Variants in CCDC3 observed in about 807,000 individuals in gnomAD.
The protein encoded by CCDC3 is coiled-coil domain-containing protein 3.
A neutral mutation model predicts 21.4 loss-of-function variants in CCDC3; 24 were observed. The observed-to-expected ratio is 1.12, with a 90% confidence interval of 0.81 to 1.58. The LOEUF is 1.58. Among genes scored for constraint, CCDC3 ranks in the 40% most tolerant of loss-of-function variants. CCDC3 has a pLI of 0.00. For missense variants in CCDC3, 425 were observed against 360.9 expected (o/e 1.18, Z -1.44); for synonymous variants, 186 against 166.0 (o/e 1.12, Z -0.93).
At chr10:13,009,878 T>C (rs549836426) in intron 5 of CCDC3, among the ~76,000 whole-genome samples, 3 of 152,258 alleles carry the variant, frequency 2.0e-5, no homozygotes, top group South Asian at 2.1e-4. Context: ...TATCAAGCCA[T>C]AGACTGGATG....
intron 3 of CCDC3, among the ~76,000 whole-genome samples, chr10:13,088,138 A>G (rs1236693505): frequency 6.6e-6 from 1 of 152,202 alleles, no homozygotes; most frequent in African/African-American, 2.4e-5. Flanking sequence ...GCCCCAGTCA[A>G]ATCCTAGCAA....
At chr10:13,000,939 T>C (rs911301692) in intron 1 of CCDC3, among the ~76,000 whole-genome samples, 5 of 152,220 alleles carry the variant, frequency 3.3e-5, no homozygotes, top group Non-Finnish European at 7.3e-5. Flanking sequence ...AGCTTCTGTC[T>C]GCAATGCTCT....
At chr10:13,060,929 G>A (rs191642183) in intron 4 of CCDC3, among the ~76,000 whole-genome samples, 1 of 152,146 alleles carries the variant, frequency 6.6e-6, no homozygotes, top group Admixed American at 6.5e-5. Context: ...GATTTTAATG[G>A]AGTGAAAAAT....
In CCDC3 at chr10:12,920,998, C is replaced by T. The variant is rs1362821754; in HGVS notation, c.550-22319G>A. Reference sequence around the variant, plus strand: ...CTTGGCTTCCCCTAACCCTCGGCAGCATATGAGAACATTCTCTTTGCAGAA... The same window carrying T: ...CTTGGCTTCCCCTAACCCTCGGCAGTATATGAGAACATTCTCTTTGCAGAA... On this transcript the variant is annotated intron_variant, in intron 2 of 2. Coordinates refer to ENST00000378825, the MANE Select transcript of CCDC3 (RefSeq NM_031455.4). Among the ~76,000 whole-genome samples, 3 of 152,340 alleles carry T rather than the reference C, an allele frequency of 2.0e-5. No homozygotes were observed. The East Asian group carries it at 5.8e-4, about 29-fold the overall frequency.
At chr10:12,930,805 G>A (rs996625125) in intron 2 of CCDC3, among the ~76,000 whole-genome samples, 1 of 152,162 alleles carries the variant, frequency 6.6e-6, no homozygotes, top group Non-Finnish European at 1.5e-5. Flanking sequence ...ACATAACAGT[G>A]CCGAGGTCAA....
intron 2 of CCDC3, among the ~76,000 whole-genome samples, chr10:12,983,957 G>A (rs545391955): frequency 1.1e-4 from 16 of 152,286 alleles, no homozygotes; most frequent in African/African-American, 3.8e-4. Flanking sequence ...GTGCATGCCT[G>A]TAATCTCAGC....
intron 5 of CCDC3, among the ~76,000 whole-genome samples, chr10:13,023,856 G>A (rs961818452): frequency 2.0e-5 from 3 of 152,144 alleles, no homozygotes; most frequent in African/African-American, 7.2e-5. Flanking sequence ...AACTAAAGAG[G>A]TGTGTTTTCT....
At chr10:12,986,506 GGT>G (rs1186704473) in intron 2 of CCDC3, among the ~76,000 whole-genome samples, 1 of 152,088 alleles carries the variant, frequency 6.6e-6, no homozygotes, top group Non-Finnish European at 1.5e-5. Context: ...CGGGCACAGT[GGT>G]TCACGCCTGT....
chr10:13,042,758 A>C (rs1836475807), intron 5 of CCDC3, among the ~76,000 whole-genome samples: 1 of 151,732 alleles, frequency 6.6e-6, no homozygotes, highest in South Asian at 2.1e-4. Flanking sequence ...AATACAAAAA[A>C]ATTAGCCGGG....
At chr10:12,999,381 A>C (rs1371930786) in intron 1 of CCDC3, among the ~76,000 whole-genome samples, 1 of 152,246 alleles carries the variant, frequency 6.6e-6, no homozygotes, top group Non-Finnish European at 1.5e-5. Flanking sequence ...TTAAAGGCCT[A>C]GCATTAATCA....
chr10:13,053,609 T>C (rs1836640932), intron 4 of CCDC3, among the ~76,000 whole-genome samples: 1 of 152,202 alleles, frequency 6.6e-6, no homozygotes, highest in Non-Finnish European at 1.5e-5. Context: ...AAGCTTCTTA[T>C]GAAAACCAGA....
chr10:12,984,130 T>C (rs1835550738), intron 2 of CCDC3, among the ~76,000 whole-genome samples: 2 of 151,984 alleles, frequency 1.3e-5, no homozygotes, highest in African/African-American at 4.8e-5. Context: ...GCACACACAA[T>C]GGGAGAAAAT....
At chr10:12,972,593 A>G (rs1835359185) in intron 2 of CCDC3, among the ~76,000 whole-genome samples, 1 of 152,154 alleles carries the variant, frequency 6.6e-6, no homozygotes, top group South Asian at 2.1e-4. Context: ...AAGGCAGGCA[A>G]ATCACCTGAG....
At chr10:12,907,960 G>T (rs915993429) in intron 2 of CCDC3, among the ~76,000 whole-genome samples, 2 of 152,238 alleles carry the variant, frequency 1.3e-5, no homozygotes, top group Non-Finnish European at 2.9e-5. Flanking sequence ...GAGTTGGAGC[G>T]CAGTAGCAGC....
chr10:12,958,775 C>T (rs553303835), intron 2 of CCDC3, among the ~76,000 whole-genome samples: 14 of 152,280 alleles, frequency 9.2e-5, no homozygotes, highest in South Asian at 6.2e-4. Flanking sequence ...TCCTCATCCT[C>T]GGCAGGTTCA....
At chr10:12,992,138 C>G (rs1835691761) in intron 2 of CCDC3, among the ~76,000 whole-genome samples, 1 of 151,590 alleles carries the variant, frequency 6.6e-6, no homozygotes. Context: ...ACCTATAATC[C>G]CAGCATTTTG....
chr10:12,918,782 G>A lies in CCDC3; in HGVS notation c.550-20103C>T, dbSNP rs531273796. On this transcript the variant is annotated intron_variant, in intron 2 of 2. Coordinates refer to ENST00000378825, the MANE Select transcript of CCDC3 (RefSeq NM_031455.4). The stretch of plus-strand genomic sequence containing the variant: ...AAAAGACACCAAGTTGGCCGGGCAC[G>A]GTGGCTCATGCCTGTAATCCCAGAA... Among the ~76,000 whole-genome samples, 38 of 152,228 alleles carry A rather than the reference G, an allele frequency of 2.5e-4. No individual in the cohort carries two copies. In the South Asian group the frequency reaches 5.8e-3, roughly 23 times the overall value.
At chr10:12,932,760 T>A (rs928508077) in intron 2 of CCDC3, among the ~76,000 whole-genome samples, 4 of 152,242 alleles carry the variant, frequency 2.6e-5, no homozygotes, top group African/African-American at 9.6e-5. Context: ...GGGAAAGCTT[T>A]GGGCTTCTCA....
At chr10:12,953,316 G>T (rs1835037382) in intron 2 of CCDC3, among the ~76,000 whole-genome samples, 1 of 152,106 alleles carries the variant, frequency 6.6e-6, no homozygotes, top group African/African-American at 2.4e-5. Context: ...CCTCCCACCA[G>T]GTCCCTCTCA....
Sources: gnomAD v4.1 joint callset for allele counts (sites outside exome capture counted in the v4.1 genomes callset) on GRCh38, gnomAD v4.1.1 for gene constraint, MANE v1.5 for transcripts, NCBI Gene and HGNC (gene_info 2026-07-23, HGNC 2026-07-21) for gene names.